Variants in GRID2 observed in about 807,000 individuals in gnomAD.
The protein encoded by GRID2 is glutamate receptor ionotropic, delta-2.
Under a neutral mutation model 114.8 loss-of-function variants are expected in GRID2, and 33 were observed. The ratio of observed to expected loss-of-function variants is 0.29; its 90% confidence interval spans 0.22 to 0.38. The LOEUF is 0.38. Ranked by LOEUF, GRID2 falls within the 10% of genes least tolerant of loss-of-function variation. The pLI, the probability that GRID2 is intolerant of heterozygous loss-of-function variation, is 1.00. For missense variants in GRID2, 1,184 were observed against 1,257.7 expected (o/e 0.94, Z 0.89); for synonymous variants, 505 against 449.9 (o/e 1.12, Z -1.55).
At chr4:93,613,892 C>T (rs1426020941) in intron 13 of GRID2, among the ~76,000 whole-genome samples, 5 of 151,532 alleles carry the variant, frequency 3.3e-5, no homozygotes, top group South Asian at 4.2e-4. Flanking sequence ...TGGGCAATGG[C>T]GGGCGCCCCT....
At chr4:92,590,498 A>G (rs534317710) in intron 2 of GRID2, among the ~76,000 whole-genome samples, 1 of 151,648 alleles carries the variant, frequency 6.6e-6, no homozygotes, top group African/African-American at 2.4e-5. Context: ...TAATTGAAAT[A>G]TAATATGAAA....
At chr4:92,875,733 G>T (rs1204037002) in intron 2 of GRID2, among the ~76,000 whole-genome samples, 1 of 152,042 alleles carries the variant, frequency 6.6e-6, no homozygotes, top group Non-Finnish European at 1.5e-5. Context: ...GAGATCCAGA[G>T]AAATAAAATG....
chr4:92,343,498 A>T (rs1454190051), intron 1 of GRID2, among the ~76,000 whole-genome samples: 1 of 152,102 alleles, frequency 6.6e-6, no homozygotes, highest in Non-Finnish European at 1.5e-5. Flanking sequence ...TGTAGACTGG[A>T]AGCCTAACTA....
chr4:93,661,559 C>T (rs1325689543), intron 14 of GRID2, among the ~76,000 whole-genome samples: 1 of 152,072 alleles, frequency 6.6e-6, no homozygotes. Flanking sequence ...TGTGCATCCA[C>T]AATATATATT....
chr4:93,720,951 T>C lies in GRID2; in HGVS notation c.2361-48259T>C, dbSNP rs540657399. Among the ~76,000 whole-genome samples, 3 of 152,328 alleles carry C rather than the reference T, an allele frequency of 2.0e-5. No homozygotes were observed. The East Asian group carries it at 5.8e-4, about 29-fold the overall frequency. On this transcript the variant is annotated intron_variant, in intron 14 of 15. Transcript: ENST00000282020. Reference sequence around the variant, plus strand: ...CTCCTCCCAGTGAACAGTTTGGCTGTGCAATTTATAGGATGAACACAAGAT... The same window carrying C: ...CTCCTCCCAGTGAACAGTTTGGCTGCGCAATTTATAGGATGAACACAAGAT...
intron 2 of GRID2, among the ~76,000 whole-genome samples, chr4:92,877,677 A>C (rs1442832817): frequency 1.3e-5 from 2 of 152,146 alleles, no homozygotes; most frequent in African/African-American, 2.4e-5. Flanking sequence ...TCAGAATTTC[A>C]CAAAGAAGTT....
downstream of GRID2, among the ~76,000 whole-genome samples, chr4:93,776,909 C>T (rs1479925135): frequency 6.6e-6 from 1 of 152,176 alleles, no homozygotes; most frequent in African/African-American, 2.4e-5. Context: ...CCTTTTCTAT[C>T]CCTGCAAATC....
At chr4:92,512,609 G>A (rs541684699) in intron 1 of GRID2, among the ~76,000 whole-genome samples, 32 of 151,884 alleles carry the variant, frequency 2.1e-4, no homozygotes, top group African/African-American at 7.5e-4. Flanking sequence ...TCCTAGGTAG[G>A]TAGAGGTATA....
At chr4:93,601,383 C>G (rs1030056218) in intron 13 of GRID2, among the ~76,000 whole-genome samples, 20 of 152,094 alleles carry the variant, frequency 1.3e-4, no homozygotes, top group Non-Finnish European at 2.2e-4. Flanking sequence ...GGAACATGTC[C>G]CATTTTCATG....
intron 14 of GRID2, among the ~76,000 whole-genome samples, chr4:93,630,921 T>C (rs904312653): frequency 6.6e-6 from 1 of 152,192 alleles, no homozygotes; most frequent in Non-Finnish European, 1.5e-5. Flanking sequence ...ATAAGAATAA[T>C]GTCAAGCTTA....
At chr4:93,134,357 G>A (rs148140693) in intron 4 of GRID2, among the ~76,000 whole-genome samples, 40 of 152,220 alleles carry the variant, frequency 2.6e-4, no homozygotes, top group African/African-American at 8.7e-4. Flanking sequence ...TTTGAATTGC[G>A]ATCTGAATTT....
intron 1 of GRID2, among the ~76,000 whole-genome samples, chr4:92,333,615 A>C (rs1182388646): frequency 6.6e-6 from 1 of 152,152 alleles, no homozygotes; most frequent in Non-Finnish European, 1.5e-5. Context: ...TTATTTATAA[A>C]TTATATCTTT....
In GRID2 at chr4:92,935,437, G is replaced by C. The variant is rs1018363774; in HGVS notation, c.245-149558G>C. 5.3e-4 allele frequency among the ~76,000 whole-genome samples: 77 copies of C among 146,572 alleles called. 5 individuals carry two copies. The highest frequency in any genetic ancestry group is 7.6e-4 in the Non-Finnish European group (50 of 66,172). On this transcript the variant is annotated intron_variant, in intron 2 of 15. Transcript: ENST00000282020. The stretch of plus-strand genomic sequence containing the variant: ...TAGGAACACTTTTACACTGTTGGTG[G>C]GACTGTAAACTAGTTCAACCATTGT...
At chr4:93,173,556 G>A (rs1183819302) in intron 4 of GRID2, among the ~76,000 whole-genome samples, 1 of 152,166 alleles carries the variant, frequency 6.6e-6, no homozygotes, top group Non-Finnish European at 1.5e-5. Context: ...AAACTTCCAT[G>A]TTAATATCCT....
At chr4:93,601,175 T>C (rs908351012) in intron 13 of GRID2, among the ~76,000 whole-genome samples, 2 of 152,226 alleles carry the variant, frequency 1.3e-5, no homozygotes, top group African/African-American at 4.8e-5. Flanking sequence ...CAAATGGTTG[T>C]ACTGTGTGAT....
Position 93,626,345 on chromosome 4 carries a change from C to G in GRID2, c.2270C>G (p.Ser757Cys). 1.2e-6 allele frequency: 2 copies of G among 1,602,566 alleles called. No homozygotes were observed. The highest frequency in any genetic ancestry group is 1.7e-6 in the Non-Finnish European group (2 of 1,169,838). The stretch of plus-strand genomic sequence containing the variant: ...GTGGCTATCAATGACCCAGATTGTT[C>G]CTTTTACACCATTGGAAATACTGTT... ...EYVAINDPDC[S>C]FYTIGNTVAD... The change falls in exon 14 of 16, where the codon TCC (serine) becomes TGC (cysteine). Residue 757 changes from serine (S) to cysteine (C), a missense_variant. Transcript: ENST00000282020.
At chr4:92,674,237 C>G (rs972632377) in intron 2 of GRID2, among the ~76,000 whole-genome samples, 4 of 152,064 alleles carry the variant, frequency 2.6e-5, no homozygotes, top group African/African-American at 7.2e-5. Flanking sequence ...TATTTTCTCT[C>G]TCCTTCCTCT....
intron 4 of GRID2, among the ~76,000 whole-genome samples, chr4:93,128,024 C>CAAAA (rs1175904517): frequency 1.1e-4 from 2 of 19,002 alleles, no homozygotes; most frequent in African/African-American, 2.4e-4. Context: ...TTGTCCCCCG[C>CAAAA]AACAAAAAAA....
At chr4:92,446,254 A>G (rs1318540850) in intron 1 of GRID2, among the ~76,000 whole-genome samples, 1 of 152,094 alleles carries the variant, frequency 6.6e-6, no homozygotes, top group Non-Finnish European at 1.5e-5. Context: ...GCTTTATCCC[A>G]TATTTGATTT....
Sources: gnomAD v4.1 joint callset for allele counts (sites outside exome capture counted in the v4.1 genomes callset) on GRCh38, gnomAD v4.1.1 for gene constraint, MANE v1.5 for transcripts, NCBI Gene and HGNC (gene_info 2026-07-23, HGNC 2026-07-21) for gene names.